The following PKP1 variants were observed in gnomAD, a reference collection of about 807,000 sequenced individuals.
PKP1 encodes the protein plakophilin-1.
Under a neutral mutation model 76.4 loss-of-function variants are expected in PKP1, and 27 were observed. The observed-to-expected ratio is 0.35, with a 90% confidence interval of 0.26 to 0.49. The LOEUF is 0.49. Ranked by LOEUF, PKP1 falls within the 20% of genes least tolerant of loss-of-function variation. The pLI is 0.99. For missense variants in PKP1, 964 were observed against 955.2 expected, an observed-to-expected ratio of 1.01 and a Z score of -0.12; for synonymous variants, 404 against 384.2, an observed-to-expected ratio of 1.05 and a Z score of -0.60.
rs1157242651 is a variant in PKP1, at chr1:201,323,198, G to T, written c.1680+9G>T. 1 of 1,612,882 alleles carries T rather than the reference G, an allele frequency of 6.2e-7. No individual in the cohort carries two copies. Among genetic ancestry groups the T allele is most frequent in the African/African-American group, 1.3e-5 (1 of 74,904 alleles). ...CAGCCAGCAAGGGGCTGGTGAGTGGGACTGTACCTTCTCTACTGCAGCAGC... is the reference window on the plus strand; with the variant it reads ...CAGCCAGCAAGGGGCTGGTGAGTGGTACTGTACCTTCTCTACTGCAGCAGC... On this transcript the variant is annotated intron_variant, in intron 9 of 13. Coordinates refer to ENST00000367324, the MANE Select transcript of PKP1 (RefSeq NM_001005337.3).
At chr1:201,287,662 T>C (rs1655779562) in intron 1 of PKP1, among the ~76,000 whole-genome samples, 1 of 152,212 alleles carries the variant, frequency 6.6e-6, no homozygotes, top group African/African-American at 2.4e-5. Flanking sequence ...TTACAACACA[T>C]GCAAAAATGC....
chr1:201,313,691 T>C, intron 3 of PKP1, 131 bp downstream of exon 3: 1 of 976,654 alleles, frequency 1.0e-6, no homozygotes, highest in Non-Finnish European at 1.5e-6. Context: ...GGGAGTTCAT[T>C]GCCCCTGGTG....
intron 5 of PKP1, 67 bp downstream of exon 5, chr1:201,317,846 C>A: frequency 6.9e-7 from 1 of 1,455,512 alleles, no homozygotes; most frequent in Non-Finnish European, 9.5e-7. Flanking sequence ...TGGCCCCAGG[C>A]TGGGGTGCAA....
At chr1:201,319,714 C>T in intron 6 of PKP1, 2 of 1,159,654 alleles carry the variant, frequency 1.7e-6, no homozygotes, top group South Asian at 2.4e-5. Context: ...CTGCTGGGGG[C>T]AGAACACAGC....
Position 201,328,866 on chromosome 1 carries a change from C to T in PKP1, c.*30C>T, listed in dbSNP as rs1168465369. 1 of 1,581,396 alleles carries T rather than the reference C, an allele frequency of 6.3e-7. No individual in the cohort carries two copies. Among genetic ancestry groups the T allele is most frequent in the South Asian group, 1.1e-5 (1 of 90,400 alleles). On this transcript the variant is annotated splice_region_variant and 3_prime_UTR_variant, in exon 13 of 14. Transcript: ENST00000367324. ...AGACTGTCCAAGCAAGTTAGGCTTG[C>T]AGGTAAGAATCACCCCACCCTCAGG...
At position 201,322,094 on chromosome 1, in the gene PKP1, C is replaced by T; in HGVS notation, c.1464C>T (p.Ser488=). Residue 488 remains serine, a synonymous_variant, in exon 8 of 14, where the codon TCC becomes TCT. Coordinates refer to ENST00000367324, the MANE Select transcript of PKP1 (RefSeq NM_001005337.3). ...CCCGCAACGCCTACACCGAGAAGTC[C>T]TCCACTGGCTGCTTCAGCAACAAGA... The part of the protein sequence containing the change: ...YNARNAYTEK[S]STGCFSNKSD... 6.2e-7 allele frequency: 1 copy of T among 1,613,036 alleles called. No homozygotes were observed. The highest frequency in any genetic ancestry group is 8.5e-7 in the Non-Finnish European group (1 of 1,180,014).
intron 2 of PKP1, among the ~76,000 whole-genome samples, chr1:201,298,267 CA>C (rs1264982597): frequency 6.6e-6 from 1 of 152,176 alleles, no homozygotes; most frequent in Non-Finnish European, 1.5e-5. Context: ...GAGCTGGAGC[CA>C]TGGAAAGGCA....
chr1:201,313,122 C>T (rs771105782), intron 2 of PKP1, 44 bp from the exon 3 acceptor site: 2 of 1,597,650 alleles, frequency 1.3e-6, no homozygotes, highest in East Asian at 2.2e-5. Flanking sequence ...CCAGGACCCC[C>T]ATTTAGGAAC....
At chr1:201,294,450 A>T (rs370659752) in intron 2 of PKP1, among the ~76,000 whole-genome samples, 4 of 152,196 alleles carry the variant, frequency 2.6e-5, no homozygotes, top group African/African-American at 9.7e-5. Context: ...CAAAGAGCCA[A>T]GAGAACATGT....
At chr1:201,299,870 C>A (rs1372398978) in intron 2 of PKP1, among the ~76,000 whole-genome samples, 3 of 152,228 alleles carry the variant, frequency 2.0e-5, no homozygotes, top group African/African-American at 7.2e-5. Flanking sequence ...GCTCCAAATG[C>A]CACTTTCTAG....
intron 2 of PKP1, among the ~76,000 whole-genome samples, chr1:201,295,129 A>G (rs1656036109): frequency 6.6e-6 from 1 of 152,162 alleles, no homozygotes; most frequent in Admixed American, 6.5e-5. Flanking sequence ...CATTTGCTTT[A>G]AGACACAGAT....
At chr1:201,300,883 G>T (rs1656209687) in intron 2 of PKP1, among the ~76,000 whole-genome samples, 1 of 152,200 alleles carries the variant, frequency 6.6e-6, no homozygotes, top group Non-Finnish European at 1.5e-5. Context: ...AGAGAGGGCT[G>T]CCCTTAGCAG....
intron 12 of PKP1, among the ~76,000 whole-genome samples, chr1:201,326,992 C>T (rs1657144642): frequency 6.6e-6 from 1 of 152,174 alleles, no homozygotes; most frequent in South Asian, 2.1e-4. Context: ...GGGATGGACA[C>T]TGGAAAAGGC....
intron 1 of PKP1, 44 bp from the exon 2 acceptor site, chr1:201,293,898 A>G: frequency 7.7e-7 from 1 of 1,293,904 alleles, no homozygotes; most frequent in Non-Finnish European, 1.1e-6. Flanking sequence ...GGGTGGATGA[A>G]GATCATGGCC....
At chr1:201,306,365 A>G (rs1011917036) in intron 2 of PKP1, among the ~76,000 whole-genome samples, 3 of 152,230 alleles carry the variant, frequency 2.0e-5, no homozygotes, top group Non-Finnish European at 2.9e-5. Flanking sequence ...AGGCTTAGGA[A>G]CTGCCATGGA....
intron 13 of PKP1, among the ~76,000 whole-genome samples, chr1:201,329,432 G>C (rs187206490): frequency 6.6e-6 from 1 of 152,332 alleles, no homozygotes; most frequent in East Asian, 1.9e-4. Flanking sequence ...CCCAGCCCCA[G>C]CTATTCTGAC....
chr1:201,321,466 C>T (rs1008409979), intron 7 of PKP1, among the ~76,000 whole-genome samples: 5 of 152,044 alleles, frequency 3.3e-5, no homozygotes, highest in African/African-American at 9.7e-5. Flanking sequence ...GACTTAGCAC[C>T]GCTGACATTG....
chr1:201,319,375 T>A (rs1428377319), intron 6 of PKP1, among the ~76,000 whole-genome samples: 4 of 152,172 alleles, frequency 2.6e-5, no homozygotes, highest in Non-Finnish European at 4.4e-5. Context: ...GTACAGGGCT[T>A]GGAACCCTGG....
chr1:201,295,935 G>T (rs970178411), intron 2 of PKP1, among the ~76,000 whole-genome samples: 8 of 151,914 alleles, frequency 5.3e-5, no homozygotes, highest in East Asian at 1.9e-4. Flanking sequence ...TTCACTTCTG[G>T]TTAATTAACT....
Sources: gnomAD v4.1 joint callset for allele counts (sites outside exome capture counted in the v4.1 genomes callset) on GRCh38, gnomAD v4.1.1 for gene constraint, MANE v1.5 for transcripts, NCBI Gene and HGNC (gene_info 2026-07-23, HGNC 2026-07-21) for gene names.